RPUSD3: variants seen among roughly 807,000 people sequenced by gnomAD.
RPUSD3 encodes RNA pseudouridine synthase D3, also known as mitochondrial mRNA pseudouridine synthase RPUSD3.
RPUSD3 carries 36 observed loss-of-function variants against 35.1 expected under a neutral mutation model. The observed-to-expected ratio is 1.02, with a 90% CI of 0.79 to 1.35. The LOEUF is 1.35. Ranked by LOEUF, RPUSD3 falls within the 40% of genes most tolerant of loss-of-function variation. The probability of loss-of-function intolerance (pLI) is 0.00; values close to 1 mark genes in which losing one functional copy is unlikely to be tolerated. For synonymous variants in RPUSD3, 202 were observed against 187.8 expected, an observed-to-expected ratio of 1.08 and a Z score of -0.62; for missense variants, 486 against 441.9, an observed-to-expected ratio of 1.10 and a Z score of -0.89.
rs757762180 is a variant in RPUSD3, at chr3:9,843,943, C to T, written c.72G>A (p.Arg24=). The change falls in exon 1 of 9, where the codon CGG becomes CGA. Residue 24 remains arginine (R), a synonymous_variant. Coordinates refer to ENST00000383820, the Ensembl canonical transcript of RPUSD3. ...CGGGCACTGGGCGGACACCCAGGCCCCGCCGCCAGCCACTCCAGAACCGGC... is the reference window on the plus strand; with the variant it reads ...CGGGCACTGGGCGGACACCCAGGCCTCGCCGCCAGCCACTCCAGAACCGGC... 3.7e-6 allele frequency: 6 copies of T among 1,602,182 alleles called. No homozygotes were observed. In the Admixed American group the frequency reaches 5.1e-5, roughly 14 times the overall value.
intron 1 of RPUSD3, 85 bp from the exon 2 acceptor site, chr3:9,843,686 T>G (rs1337189753): frequency 6.4e-7 from 1 of 1,561,730 alleles, no homozygotes; most frequent in Admixed American, 1.9e-5. Context: ...TCCCAAATCC[T>G]GCGGCCTCTG....
intron 1 of RPUSD3, 129 bp downstream of exon 1, chr3:9,843,761 C>T (rs891588004): frequency 1.3e-6 from 2 of 1,539,394 alleles, no homozygotes; most frequent in African/African-American, 2.7e-5. Flanking sequence ...CATTCTACAG[C>T]GGAGGGCACC....
chr3:9,838,856 A>G, intron 8 of RPUSD3, 176 bp downstream of exon 8: 1 of 703,504 alleles, frequency 1.4e-6, no homozygotes, highest in South Asian at 1.9e-5. Context: ...AGCCCAAGAG[A>G]GTGAGTGTTA....
exon 1 of RPUSD3, chr3:9,843,961 G>C (rs916623279): frequency 1.2e-5 from 20 of 1,608,944 alleles, no homozygotes; most frequent in Non-Finnish European, 1.7e-5. Context: ...AGCCACTCCA[G>C]AACCGGCCCA....
chr3:9,838,021 G>T (rs751696427), exon 9 of RPUSD3: 1 of 1,565,216 alleles, frequency 6.4e-7, no homozygotes, highest in Non-Finnish European at 8.7e-7. Context: ...GAGGACTATT[G>T]TAAGCGGAGC....
intron 2 of RPUSD3, chr3:9,843,196 A>G (rs1575432486): frequency 4.1e-6 from 2 of 490,346 alleles, no homozygotes; most frequent in East Asian, 3.3e-5. Flanking sequence ...CCAATAAACA[A>G]TAATCTAGTA....
rs1197522517 is a variant in RPUSD3, at chr3:9,838,211, G to C, written c.865-4C>G. On this transcript the variant is annotated splice_polypyrimidine_tract_variant and splice_region_variant and intron_variant, in intron 8 of 8. Transcript: ENST00000383820. ...TGAGGAGGGCTTCATCCAGGACCTG[G>C]AGCGGGAGAGGTACGTTGTGTTCAG... 6.2e-7 allele frequency: 1 copy of C among 1,611,770 alleles called. No individual in the cohort carries two copies. Among genetic ancestry groups the C allele is most frequent in the Admixed American group, 1.7e-5 (1 of 59,992 alleles).
chr3:9,843,536 C>T, exon 2 of RPUSD3: 1 of 1,613,884 alleles, frequency 6.2e-7, no homozygotes, highest in Non-Finnish European at 8.5e-7. Flanking sequence ...TGGCAGCAGC[C>T]CCGCGAAGGG....
In RPUSD3 at chr3:9,838,152, TG is replaced by T; in HGVS notation, c.919del (p.Gln307SerfsTer60). The stretch of plus-strand genomic sequence containing the variant: ...ATGTAGGTGGAGGTGCAAGGGCAGC[TG>T]GGCAGCCTGGGAGGGGGTCAGGTGG... On this transcript the variant is annotated frameshift_variant, in exon 9 of 9. Coordinates refer to ENST00000383820, the Ensembl canonical transcript of RPUSD3. LOFTEE classifies it high-confidence loss of function. 2 of 1,612,146 alleles carry T rather than the reference TG, an allele frequency of 1.2e-6. No homozygotes were observed. Among genetic ancestry groups the T allele is most frequent in the Non-Finnish European group, 1.7e-6 (2 of 1,179,902 alleles).
rs1248442996 is a variant in RPUSD3, at chr3:9,842,250, C to G, written c.263-7G>C. 1.2e-6 allele frequency: 2 copies of G among 1,614,034 alleles called. No individual in the cohort carries two copies. Among genetic ancestry groups the G allele is most frequent in the African/African-American group, 2.7e-5 (2 of 74,916 alleles). On this transcript the variant is annotated splice_region_variant and splice_polypyrimidine_tract_variant and intron_variant, in intron 2 of 8. Coordinates refer to ENST00000383820, the Ensembl canonical transcript of RPUSD3. ...TTCAACGTCACTAGAGGTCCTGAAA[C>G]ATACATCACACGAACATCAGCAAAA...
chr3:9,843,993 C>T, exon 1 of RPUSD3: 1 of 1,595,474 alleles, frequency 6.3e-7, no homozygotes, highest in Non-Finnish European at 8.5e-7. Flanking sequence ...CCGTCCATCT[C>T]CCGAGCCAGG....
At chr3:9,838,334 T>C in intron 8 of RPUSD3, 127 bp from the exon 9 acceptor site, 1 of 881,866 alleles carries the variant, frequency 1.1e-6, no homozygotes, top group Non-Finnish European at 1.8e-6. Flanking sequence ...CTGTTAATCA[T>C]TTCCTCTTTG....
Position 9,838,219 on chromosome 3 carries a change from G to C in RPUSD3, c.865-12C>G. On this transcript the variant is annotated splice_polypyrimidine_tract_variant and intron_variant, in intron 8 of 8. Coordinates refer to ENST00000383820, the Ensembl canonical transcript of RPUSD3. Reference sequence around the variant, plus strand: ...GCTTCATCCAGGACCTGGAGCGGGAGAGGTACGTTGTGTTCAGCCCCACAT... The same window carrying C: ...GCTTCATCCAGGACCTGGAGCGGGACAGGTACGTTGTGTTCAGCCCCACAT... 1.2e-6 allele frequency: 2 copies of C among 1,611,630 alleles called. No homozygotes were observed. The highest frequency in any genetic ancestry group is 1.7e-6 in the Non-Finnish European group (2 of 1,179,600).
At chr3:9,838,995 A>ACC in intron 8 of RPUSD3, 37 bp downstream of exon 8, 1 of 1,613,462 alleles carries the variant, frequency 6.2e-7, no homozygotes, top group Non-Finnish European at 8.5e-7. Context: ...CTCTCCCTCC[A>ACC]CCCCTCAGAA....
At chr3:9,843,323 G>T in intron 2 of RPUSD3, 142 bp downstream of exon 2, 1 of 1,191,586 alleles carries the variant, frequency 8.4e-7, no homozygotes, top group Non-Finnish European at 1.2e-6. Context: ...GGGAGAGGGT[G>T]CAAATTAGGT....
At chr3:9,840,343 A>C (rs1363399351) in intron 6 of RPUSD3, 36 bp from the exon 7 acceptor site, 1 of 1,614,066 alleles carries the variant, frequency 6.2e-7, no homozygotes, top group Admixed American at 1.7e-5. Flanking sequence ...AGCCTTACAC[A>C]GGTCTGGGAG....
exon 8 of RPUSD3, chr3:9,839,078 C>G: frequency 6.2e-7 from 1 of 1,614,228 alleles, no homozygotes; most frequent in Non-Finnish European, 8.5e-7. Flanking sequence ...AAATCGCTGG[C>G]CCAGGACAGT....
chr3:9,841,789 G>A, intron 4 of RPUSD3, 194 bp downstream of exon 4: 1 of 533,860 alleles, frequency 1.9e-6, no homozygotes, highest in Non-Finnish European at 3.3e-6. Flanking sequence ...GTCATGCTTT[G>A]CCTGGTATCA....
Position 9,842,261 on chromosome 3 carries a change from CG to C in RPUSD3, c.263-19del. 6.2e-7 allele frequency: 1 copy of C among 1,614,030 alleles called. No individual in the cohort carries two copies. The highest frequency in any genetic ancestry group is 8.5e-7 in the Non-Finnish European group (1 of 1,179,904). ...TAGAGGTCCTGAAACATACATCACA[CG>C]AACATCAGCAAAAGCAACGGTAACC... On this transcript the variant is annotated intron_variant, in intron 2 of 8. Transcript: ENST00000383820.
Sources: allele counts gnomAD v4.1 joint callset, GRCh38; gene constraint gnomAD v4.1.1; transcripts MANE v1.5; gene names NCBI Gene and HGNC (gene_info 2026-07-23, HGNC 2026-07-21).